The following GRIA1 variants were observed in gnomAD, a reference collection of about 807,000 sequenced individuals.
GRIA1 encodes the protein glutamate receptor 1.
In GRIA1, 31 loss-of-function variants were observed where a neutral mutation model predicts 99.2. That is an observed-to-expected ratio of 0.31 (90% CI 0.23 to 0.42). The LOEUF (loss-of-function observed/expected upper bound fraction) is 0.42, where lower values mean the gene tolerates loss of function less well. Among genes scored for constraint, GRIA1 ranks in the 10% least tolerant of loss-of-function variants. The pLI, the probability that GRIA1 is intolerant of heterozygous loss-of-function variation, is 1.00. For synonymous variants in GRIA1, 438 were observed against 432.4 expected (o/e 1.01, Z -0.16); for missense variants, 782 against 1,157.5 (o/e 0.68, Z 4.71).
intron 11 of GRIA1, among the ~76,000 whole-genome samples, chr5:153,754,588 C>T (rs555902055): frequency 2.0e-5 from 3 of 152,248 alleles, no homozygotes; most frequent in East Asian, 1.9e-4. Context: ...GGGATAGCTT[C>T]GCTGGGTTCT....
At chr5:153,624,078 C>T (rs1767335508) in intron 2 of GRIA1, among the ~76,000 whole-genome samples, 1 of 152,150 alleles carries the variant, frequency 6.6e-6, no homozygotes, top group Non-Finnish European at 1.5e-5. Flanking sequence ...ATTTCCTTTG[C>T]AAAAAGTCTC....
intron 11 of GRIA1, among the ~76,000 whole-genome samples, chr5:153,764,085 G>A (rs1212491520): frequency 6.6e-6 from 1 of 152,216 alleles, no homozygotes; most frequent in African/African-American, 2.4e-5. Context: ...TGCTGTGTAT[G>A]TAATTGCTTA....
At chr5:153,549,904 T>G (rs974313071) in intron 2 of GRIA1, among the ~76,000 whole-genome samples, 24 of 152,136 alleles carry the variant, frequency 1.6e-4, no homozygotes, top group African/African-American at 5.8e-4. Context: ...CCTCCATCCA[T>G]TAAATAAGAA....
At chr5:153,710,304 C>T (rs1164934178) in intron 11 of GRIA1, among the ~76,000 whole-genome samples, 2 of 151,938 alleles carry the variant, frequency 1.3e-5, no homozygotes, top group Non-Finnish European at 1.5e-5. Flanking sequence ...CTCACTGCAG[C>T]CTTGACCTTC....
intron 13 of GRIA1, among the ~76,000 whole-genome samples, chr5:153,772,353 C>T (rs1205669834): frequency 6.6e-6 from 1 of 151,756 alleles, no homozygotes; most frequent in East Asian, 1.9e-4. Flanking sequence ...GAATAAATAG[C>T]ATGTGCAAAG....
chr5:153,555,229 C>A (rs1337298545), intron 2 of GRIA1, among the ~76,000 whole-genome samples: 1 of 151,492 alleles, frequency 6.6e-6, no homozygotes, highest in African/African-American at 2.4e-5. Context: ...CAATAATGAT[C>A]TCTTTGGATG....
intron 2 of GRIA1, among the ~76,000 whole-genome samples, chr5:153,497,608 C>G (rs1319494832): frequency 6.6e-6 from 1 of 152,048 alleles, no homozygotes. Context: ...TTGTTTAAAG[C>G]AAGACTCATG....
intron 2 of GRIA1, among the ~76,000 whole-genome samples, chr5:153,636,228 CT>C (rs1055090659): frequency 2.6e-5 from 4 of 152,160 alleles, no homozygotes; most frequent in Non-Finnish European, 5.9e-5. Context: ...GTCATCCTTC[CT>C]GCCCTGCCTA....
At chr5:153,506,742 T>C (rs759720252) in intron 2 of GRIA1, among the ~76,000 whole-genome samples, 1 of 152,178 alleles carries the variant, frequency 6.6e-6, no homozygotes, top group Non-Finnish European at 1.5e-5. Flanking sequence ...GAATTTAGAC[T>C]CCAAGTAGTT....
At chr5:153,683,217 C>T (rs1178361268) in intron 7 of GRIA1, among the ~76,000 whole-genome samples, 1 of 152,204 alleles carries the variant, frequency 6.6e-6, no homozygotes, top group East Asian at 1.9e-4. Flanking sequence ...TCCTGACTCT[C>T]CTTGATAAAT....
Position 153,562,798 on chromosome 5 carries a change from A to T in GRIA1, c.220+68733A>T, listed in dbSNP as rs114046715. 5.4e-3 allele frequency among the ~76,000 whole-genome samples: 815 copies of T among 152,274 alleles called. 7 individuals are homozygous for T. Among genetic ancestry groups the T allele is most frequent in the Middle Eastern group, 0.014 (4 of 294 alleles). ...GGTGTCATTATTGGACACACATATGACTAGGACTTTTGTTACTTTCATACT... is the reference window on the plus strand; with the variant it reads ...GGTGTCATTATTGGACACACATATGTCTAGGACTTTTGTTACTTTCATACT... On this transcript the variant is annotated intron_variant, in intron 2 of 15. Coordinates refer to ENST00000285900, the MANE Select transcript of GRIA1 (RefSeq NM_000827.4).
chr5:153,656,023 C>A, intron 5 of GRIA1, 151 bp downstream of exon 5: 2 of 659,098 alleles, frequency 3.0e-6, no homozygotes, highest in Non-Finnish European at 5.5e-6. Context: ...ACATTTTTAT[C>A]TTCTCCACAT....
intron 13 of GRIA1, among the ~76,000 whole-genome samples, chr5:153,784,209 CA>C (rs2149643009): frequency 6.6e-6 from 1 of 152,054 alleles, no homozygotes; most frequent in South Asian, 2.1e-4. Context: ...AGGGGGTTTC[CA>C]GGATGTGGAA....
chr5:153,739,756 A>T (rs750165739), intron 11 of GRIA1, among the ~76,000 whole-genome samples: 2 of 152,140 alleles, frequency 1.3e-5, no homozygotes, highest in African/African-American at 2.4e-5. Context: ...CTTAAACCCA[A>T]TCAGTAAGAC....
intron 2 of GRIA1, among the ~76,000 whole-genome samples, chr5:153,631,958 G>A (rs1029266391): frequency 6.6e-6 from 1 of 152,148 alleles, no homozygotes. Context: ...CAGCAGATGA[G>A]GGAAAGGGAA....
chr5:153,794,279 G>A (rs1242065042), intron 13 of GRIA1, among the ~76,000 whole-genome samples: 2 of 152,072 alleles, frequency 1.3e-5, no homozygotes, highest in Non-Finnish European at 2.9e-5. Flanking sequence ...CATTCAGGCT[G>A]TATTAAAGTC....
rs142202064 is a variant in GRIA1, at chr5:153,675,741, G to A, written c.861+1080G>A. Among the ~76,000 whole-genome samples the A allele has an allele frequency of 3.7e-3, 563 of 152,212 alleles. 5 individuals are homozygous for A. Among genetic ancestry groups the A allele is most frequent in the African/African-American group, 0.013 (546 of 41,526 alleles). On this transcript the variant is annotated intron_variant, in intron 6 of 15. Transcript: ENST00000285900. ...AATATGATCTTAAGCAAACAAAATC[G>A]CAAATATGCTTTCAAGCAATGAGAA...
Position 153,676,987 on chromosome 5 carries a change from C to G in GRIA1, c.862-7C>G, listed in dbSNP as rs758300485. On this transcript the variant is annotated splice_region_variant and splice_polypyrimidine_tract_variant and intron_variant, in intron 6 of 15. Coordinates refer to ENST00000285900, the MANE Select transcript of GRIA1 (RefSeq NM_000827.4). ...TGATACCTAACTGTCTCCATTCCTC[C>G]CACTAGTACACCTCTGCGCTCACCT... 7.2e-7 allele frequency: 1 copy of G among 1,394,384 alleles called. No individual in the cohort carries two copies. The highest frequency in any genetic ancestry group is 9.4e-7 in the Non-Finnish European group (1 of 1,061,534). 86.4% of individuals were successfully genotyped at this position (1,394,384 alleles called of 1,614,324 possible).
intron 2 of GRIA1, among the ~76,000 whole-genome samples, chr5:153,558,540 C>T (rs1039432337): frequency 2.0e-5 from 3 of 151,908 alleles, no homozygotes; most frequent in African/African-American, 2.4e-5. Flanking sequence ...TTTTGAGATC[C>T]GTTCACATTG....
Sources: gnomAD v4.1 joint callset for allele counts (sites outside exome capture counted in the v4.1 genomes callset) on GRCh38, gnomAD v4.1.1 for gene constraint, MANE v1.5 for transcripts, NCBI Gene and HGNC (gene_info 2026-07-23, HGNC 2026-07-21) for gene names.